MID1: variants seen among roughly 807,000 people sequenced by gnomAD.
MID1 encodes midline 1.
In MID1, 7 loss-of-function variants were observed where a neutral mutation model predicts 40.4. That is an observed-to-expected ratio of 0.17 (90% CI 0.10 to 0.33). MID1 has a LOEUF of 0.33. Ranked by LOEUF, MID1 falls within the 10% of genes least tolerant of loss-of-function variation. The pLI is 1.00. For synonymous variants in MID1, 229 were observed against 221.2 expected (o/e 1.04, Z -0.31); for missense variants, 367 against 558.5 (o/e 0.66, Z 3.46).
chrX:10,645,357 G>A (rs1396422181), intron 1 of MID1, among the ~76,000 whole-genome samples: 2 of 111,811 alleles, frequency 1.8e-5, no homozygotes, highest in African/African-American at 3.3e-5. Context: ...TACAGAAAAC[G>A]GAAATGACTT....
intron 1 of MID1, among the ~76,000 whole-genome samples, chrX:10,605,973 T>A (rs944558619): frequency 4.1e-4 from 46 of 111,268 alleles, no homozygotes; most frequent in African/African-American, 1.5e-3. Flanking sequence ...CCCGGGAGAT[T>A]CATATTACAG....
intron 5 of MID1, 21 bp downstream of exon 5, chrX:10,482,458 TC>T: frequency 8.3e-7 from 1 of 1,207,502 alleles, no homozygotes. Flanking sequence ...GCCGAGAAAT[TC>T]CCAGGGGCCC....
chrX:10,761,997 T>G (rs1025129156), intron 1 of MID1, among the ~76,000 whole-genome samples: 5 of 111,888 alleles, frequency 4.5e-5, no homozygotes, highest in Non-Finnish European at 7.5e-5. Context: ...TGACTCTATA[T>G]TTATAGAGAG....
At chrX:10,773,685 A>C (rs1015560887) in intron 1 of MID1, among the ~76,000 whole-genome samples, 33 of 112,215 alleles carry the variant, frequency 2.9e-4, no homozygotes, top group African/African-American at 9.4e-4. Flanking sequence ...GTATTAGTTA[A>C]GTCTGCTCTG....
intron 1 of MID1, among the ~76,000 whole-genome samples, chrX:10,815,675 G>C (rs925839830): frequency 2.7e-5 from 3 of 112,624 alleles, no homozygotes; most frequent in Non-Finnish European, 5.6e-5. Context: ...AGTCCCCTGG[G>C]GGTTATGCAG....
chrX:10,592,825 A>C (rs1192519367), intron 1 of MID1, among the ~76,000 whole-genome samples: 1 of 112,077 alleles, frequency 8.9e-6, no homozygotes, highest in Non-Finnish European at 1.9e-5. Context: ...TAACTTAAAA[A>C]AAATCCTAAT....
intron 1 of MID1, among the ~76,000 whole-genome samples, chrX:10,831,192 T>G (rs2044250053): frequency 8.9e-6 from 1 of 111,790 alleles, no homozygotes; most frequent in African/African-American, 3.3e-5. Flanking sequence ...TGCTCTGAGG[T>G]CCATCCATTG....
intron 1 of MID1, among the ~76,000 whole-genome samples, chrX:10,677,220 T>A (rs6654929): frequency 0.16 from 17,596 of 111,275 alleles, 2,345 homozygotes; most frequent in African/African-American, 0.44. Context: ...TTCATTTTTT[T>A]AAAAATCATG....
chrX:10,761,930 A>G (rs1053985021), intron 1 of MID1, among the ~76,000 whole-genome samples: 4 of 112,285 alleles, frequency 3.6e-5, no homozygotes, highest in African/African-American at 1.3e-4. Flanking sequence ...AATATTACTC[A>G]GTATAATCTT....
chrX:10,584,962 G>A (rs775676264), intron 1 of MID1, among the ~76,000 whole-genome samples: 8 of 111,117 alleles, frequency 7.2e-5, no homozygotes, highest in South Asian at 3.9e-4. Flanking sequence ...GGGTCCACGT[G>A]AGAGGGTCAT....
chrX:10,445,742 T>C lies in MID1; in HGVS notation c.*3626A>G, dbSNP rs188862193. Reference sequence around the variant, plus strand: ...AAGCTGATACAGATGATGATACTTATCAGTGATTCCCATTTACACAGGCTT... The same window carrying C: ...AAGCTGATACAGATGATGATACTTACCAGTGATTCCCATTTACACAGGCTT... On this transcript the variant is annotated 3_prime_UTR_variant, in exon 10 of 10. Transcript: ENST00000317552. 1 of 111,896 alleles carries C rather than the reference T, an allele frequency of 8.9e-6. No individual in the cohort carries two copies. The highest frequency in any genetic ancestry group is 2.8e-4 in the East Asian group (1 of 3,564). 9.2% of individuals were successfully genotyped at this position (111,896 alleles called of 1,213,427 possible).
intron 9 of MID1, among the ~76,000 whole-genome samples, chrX:10,453,671 G>A (rs1928480631): frequency 8.9e-6 from 1 of 112,260 alleles, no homozygotes; most frequent in Admixed American, 9.4e-5. Flanking sequence ...GTCTGTGGCT[G>A]CTTTCCCACT....
At chrX:10,631,055 T>C (rs1353321633) in intron 1 of MID1, among the ~76,000 whole-genome samples, 1 of 111,251 alleles carries the variant, frequency 9.0e-6, no homozygotes, top group African/African-American at 3.3e-5. Flanking sequence ...CCAGGGATAT[T>C]TGGATCATGC....
intron 1 of MID1, among the ~76,000 whole-genome samples, chrX:10,609,998 G>A (rs889797069): frequency 8.9e-5 from 10 of 112,043 alleles, no homozygotes; most frequent in African/African-American, 2.6e-4. Context: ...GATTACAGGC[G>A]TGAGCCACCG....
At chrX:10,796,115 A>G (rs955015500) in intron 1 of MID1, among the ~76,000 whole-genome samples, 4 of 112,278 alleles carry the variant, frequency 3.6e-5, no homozygotes, top group African/African-American at 1.3e-4. Flanking sequence ...TAAAGCTGAC[A>G]TGGATTTAGA....
At chrX:10,740,536 C>T (rs1302869158) in intron 1 of MID1, among the ~76,000 whole-genome samples, 2 of 112,186 alleles carry the variant, frequency 1.8e-5, no homozygotes, top group Non-Finnish European at 3.8e-5. Flanking sequence ...AGAATTGCAA[C>T]ACAGTGATTA....
intron 1 of MID1, among the ~76,000 whole-genome samples, chrX:10,580,933 T>TAAAAAA (rs757426965): frequency 1.7e-5 from 1 of 58,534 alleles, no homozygotes; most frequent in African/African-American, 6.2e-5. Context: ...TGGTGTCCTG[T>TAAAAAA]AAAAAAAAAA....
intron 1 of MID1, among the ~76,000 whole-genome samples, chrX:10,812,747 T>C (rs1328768402): frequency 9.0e-6 from 1 of 111,611 alleles, no homozygotes; most frequent in African/African-American, 3.3e-5. Flanking sequence ...CGGCTGCCAG[T>C]CTGACTTGGC....
intron 2 of MID1, among the ~76,000 whole-genome samples, chrX:10,544,594 C>A (rs1057417683): frequency 1.8e-5 from 2 of 112,349 alleles, no homozygotes; most frequent in African/African-American, 6.5e-5. Flanking sequence ...ATAGCTCACT[C>A]TAAATAAAAC....
Sources: allele counts gnomAD v4.1 joint callset (sites outside exome capture counted in the v4.1 genomes callset), GRCh38; gene constraint gnomAD v4.1.1; transcripts MANE v1.5; gene names NCBI Gene and HGNC (gene_info 2026-07-23, HGNC 2026-07-21).